CNTN1: variants seen among roughly 807,000 people sequenced by gnomAD.
The protein encoded by CNTN1 is contactin 1.
A neutral mutation model predicts 126.4 loss-of-function variants in CNTN1; 38 were observed. The observed-to-expected ratio is 0.30, with a 90% CI of 0.23 to 0.39. The LOEUF (loss-of-function observed/expected upper bound fraction) is 0.39, where lower values mean the gene tolerates loss of function less well. CNTN1 is among the 10% of genes least tolerant of loss of function. CNTN1 has a pLI of 1.00. For missense variants in CNTN1, 1,009 were observed against 1,248.4 expected (o/e 0.81, Z 2.89); for synonymous variants, 413 against 422.6 (o/e 0.98, Z 0.28).
chr12:41,005,751 G>C (rs183493559), intron 17 of CNTN1, among the ~76,000 whole-genome samples: 1 of 152,078 alleles, frequency 6.6e-6, no homozygotes, highest in Admixed American at 6.6e-5. Context: ...TTCTTGTAGT[G>C]TGTCTTTTAG....
intron 8 of CNTN1, 58 bp downstream of exon 8, chr12:40,933,618 A>C: frequency 6.5e-7 from 1 of 1,537,332 alleles, no homozygotes; most frequent in South Asian, 1.1e-5. Context: ...TTAGGAAATA[A>C]ATAATTGTTT....
intron 17 of CNTN1, among the ~76,000 whole-genome samples, chr12:40,994,561 T>C (rs2120521669): frequency 6.6e-6 from 1 of 152,182 alleles, no homozygotes; most frequent in African/African-American, 2.4e-5. Context: ...AGAGCAACAG[T>C]GTTCGGTCCA....
chr12:40,767,588 A>G (rs879663357), intron 1 of CNTN1, among the ~76,000 whole-genome samples: 12 of 151,230 alleles, frequency 7.9e-5, no homozygotes, highest in Admixed American at 3.3e-4. Flanking sequence ...GATTACAGGC[A>G]TGAGCCACGG....
At chr12:41,012,607 T>C (rs776013010) in intron 17 of CNTN1, among the ~76,000 whole-genome samples, 6 of 152,108 alleles carry the variant, frequency 3.9e-5, no homozygotes, top group Non-Finnish European at 8.8e-5. Context: ...GAGTACTCCA[T>C]GAAAGGAAGC....
chr12:40,700,010 C>G (rs973468489), intron 1 of CNTN1, among the ~76,000 whole-genome samples: 1 of 152,142 alleles, frequency 6.6e-6, no homozygotes, highest in African/African-American at 2.4e-5. Context: ...AGGGTTTTTA[C>G]TTAGATTTTT....
chr12:40,755,671 G>C (rs911281945), intron 1 of CNTN1, among the ~76,000 whole-genome samples: 1 of 152,020 alleles, frequency 6.6e-6, no homozygotes, highest in African/African-American at 2.4e-5. Flanking sequence ...GATTGTACCA[G>C]TGCATTTAAA....
chr12:40,953,003 C>T (rs763693296), intron 14 of CNTN1, among the ~76,000 whole-genome samples: 3 of 152,068 alleles, frequency 2.0e-5, no homozygotes, highest in Non-Finnish European at 4.4e-5. Context: ...TTTATCTAGA[C>T]CTTTTCTGTA....
At chr12:40,853,955 G>A (rs1942809734) in intron 1 of CNTN1, among the ~76,000 whole-genome samples, 1 of 150,464 alleles carries the variant, frequency 6.6e-6, no homozygotes, top group African/African-American at 2.5e-5. Flanking sequence ...GAAGCTTCCT[G>A]TACCTCCAAA....
chr12:40,821,124 T>C (rs916598796), intron 1 of CNTN1, among the ~76,000 whole-genome samples: 2 of 152,238 alleles, frequency 1.3e-5, no homozygotes, highest in Admixed American at 6.5e-5. Context: ...TGAGACATAA[T>C]GAGACAGGTC....
intron 1 of CNTN1, among the ~76,000 whole-genome samples, chr12:40,746,793 CAG>C (rs1277742532): frequency 6.6e-6 from 1 of 152,054 alleles, no homozygotes; most frequent in Admixed American, 6.6e-5. Context: ...GGTCATATAC[CAG>C]TTAAACTCTG....
intron 1 of CNTN1, among the ~76,000 whole-genome samples, chr12:40,755,375 T>A (rs1938567196): frequency 6.6e-6 from 1 of 151,732 alleles, no homozygotes; most frequent in Non-Finnish European, 1.5e-5. Flanking sequence ...CAAGTTTGTG[T>A]GTTGATAGGA....
At chr12:41,007,927 T>C (rs541038998) in intron 17 of CNTN1, among the ~76,000 whole-genome samples, 2 of 152,330 alleles carry the variant, frequency 1.3e-5, no homozygotes, top group South Asian at 2.1e-4. Flanking sequence ...AGAAAATGAT[T>C]TGTGGCTGCC....
intron 15 of CNTN1, among the ~76,000 whole-genome samples, chr12:40,966,039 C>CACAT (rs1947298649): frequency 6.7e-6 from 1 of 148,818 alleles, no homozygotes; most frequent in African/African-American, 2.5e-5. Context: ...CACACACACA[C>CACAT]GCACGCATTG....
chr12:40,943,565 T>G (rs1332818887), intron 12 of CNTN1, 32 bp from the exon 13 acceptor site: 1 of 1,476,928 alleles, frequency 6.8e-7, no homozygotes, highest in Admixed American at 1.7e-5. Context: ...CTAAATCAGG[T>G]TTGTGAATTA....
chr12:40,800,550 AG>A (rs1281537607), intron 1 of CNTN1, among the ~76,000 whole-genome samples: 3 of 152,026 alleles, frequency 2.0e-5, no homozygotes, highest in African/African-American at 7.2e-5. Context: ...AAAAATCAGC[AG>A]GCTTCCCAGA....
chr12:40,698,556 T>C (rs1197221901), intron 1 of CNTN1, among the ~76,000 whole-genome samples: 1 of 152,108 alleles, frequency 6.6e-6, no homozygotes, highest in Non-Finnish European at 1.5e-5. Context: ...CCACTTAAAT[T>C]TTTTTACAAC....
At chr12:40,737,933 T>C (rs1596510) in intron 1 of CNTN1, among the ~76,000 whole-genome samples, 8 of 152,176 alleles carry the variant, frequency 5.3e-5, no homozygotes, top group Admixed American at 1.3e-4. Context: ...CTAGGAACTC[T>C]AATATGGTTC....
intron 1 of CNTN1, among the ~76,000 whole-genome samples, chr12:40,763,825 C>T (rs1349617934): frequency 2.6e-5 from 4 of 152,166 alleles, no homozygotes; most frequent in Non-Finnish European, 5.9e-5. Flanking sequence ...CTTCTAAGTA[C>T]ACTTATTTCC....
At chr12:40,777,241 T>G (rs575360608) in intron 1 of CNTN1, among the ~76,000 whole-genome samples, 2 of 146,166 alleles carry the variant, frequency 1.4e-5, no homozygotes, top group East Asian at 2.0e-4. Context: ...ATTACTATGT[T>G]TTTTTTTTTT....
Sources: gnomAD v4.1 joint callset for allele counts (sites outside exome capture counted in the v4.1 genomes callset) on GRCh38, gnomAD v4.1.1 for gene constraint, MANE v1.5 for transcripts, NCBI Gene and HGNC (gene_info 2026-07-23, HGNC 2026-07-21) for gene names.